Variants in SUSD6 observed in about 807,000 individuals in gnomAD.
The protein encoded by SUSD6 is sushi domain-containing protein 6.
Under a neutral mutation model 28.4 loss-of-function variants are expected in SUSD6, and 16 were observed. That is an observed-to-expected ratio of 0.56 (90% CI 0.38 to 0.86). SUSD6 has a LOEUF of 0.86. SUSD6 is among the 40% of genes least tolerant of loss of function. The pLI is 0.00. For synonymous variants in SUSD6, 147 were observed against 159.6 expected (o/e 0.92, Z 0.59); for missense variants, 341 against 384.2 (o/e 0.89, Z 0.94).
intron 2 of SUSD6, among the ~76,000 whole-genome samples, chr14:69,695,234 T>C (rs1886208571): frequency 6.6e-6 from 1 of 152,176 alleles, no homozygotes; most frequent in Non-Finnish European, 1.5e-5. Context: ...GGCAGAGCCA[T>C]GGACCAGAGC....
At chr14:69,694,711 T>C (rs1173758366) in intron 2 of SUSD6, among the ~76,000 whole-genome samples, 8 of 152,152 alleles carry the variant, frequency 5.3e-5, no homozygotes, top group African/African-American at 1.7e-4. Flanking sequence ...CAGGAGTTTT[T>C]ATGTTTGAGG....
At position 69,708,946 on chromosome 14, in the gene SUSD6, G is replaced by T; in HGVS notation, c.728G>T (p.Gly243Val). 2 of 1,614,188 alleles carry T rather than the reference G, an allele frequency of 1.2e-6. No individual in the cohort carries two copies. ...CAGTCTGGACTATGTGAAGCCTGGG[G>T]CTCTCGGGCCTCAGAGACTGTGATG... Reference protein sequence around the residue: ...PGQSGLCEAWGSRASETVMVH... With the variant: ...PGQSGLCEAWVSRASETVMVH... Residue 243 changes from glycine to valine, a missense_variant, in exon 5 of 6, where the codon GGC becomes GTC. Transcript: ENST00000342745.
chr14:69,711,275 T>TG lies in SUSD6; in HGVS notation c.*299dup, dbSNP rs1332507691. ...CAAACCCTCCCTTTTCCTAAGCCTC[T>TG]GGGTCCCCTCCAGCCAGCTCTTTGG... On this transcript the variant is annotated 3_prime_UTR_variant, in exon 6 of 6. Coordinates refer to ENST00000342745, the MANE Select transcript of SUSD6 (RefSeq NM_014734.4). 4 of 460,534 alleles carry TG rather than the reference T, an allele frequency of 8.7e-6. No individual in the cohort carries two copies. Among genetic ancestry groups the TG allele is most frequent in the Non-Finnish European group, 1.2e-5 (3 of 254,242 alleles). The allele number at this position is 460,534 out of a possible 1,614,324, so 28.5% of individuals were successfully genotyped here.
chr14:69,628,167 A>G (rs550158533), intron 1 of SUSD6, among the ~76,000 whole-genome samples: 1 of 151,930 alleles, frequency 6.6e-6, no homozygotes, highest in Admixed American at 6.5e-5. Flanking sequence ...TCCTGACCTC[A>G]GGTGATCCAC....
At chr14:69,614,980 A>G (rs1283796865) in intron 1 of SUSD6, among the ~76,000 whole-genome samples, 1 of 152,232 alleles carries the variant, frequency 6.6e-6, no homozygotes, top group South Asian at 2.1e-4. Context: ...GAAGCTGACA[A>G]GCAGGATTTA....
intron 1 of SUSD6, among the ~76,000 whole-genome samples, chr14:69,618,560 G>A (rs537158636): frequency 1.1e-4 from 16 of 152,346 alleles, no homozygotes; most frequent in Admixed American, 7.2e-4. Context: ...AGAAACAGGA[G>A]GGATAGGGCA....
intron 2 of SUSD6, among the ~76,000 whole-genome samples, chr14:69,695,713 A>G (rs956320706): frequency 6.6e-6 from 1 of 152,132 alleles, no homozygotes; most frequent in Admixed American, 6.5e-5. Context: ...GCTGGGTGAA[A>G]TTGAGCAAGT....
intron 1 of SUSD6, among the ~76,000 whole-genome samples, chr14:69,623,660 G>T (rs1037735700): frequency 1.3e-5 from 2 of 152,176 alleles, no homozygotes; most frequent in African/African-American, 4.8e-5. Context: ...TAACAGTTCT[G>T]TTCCTGCCTT....
chr14:69,624,456 T>G (rs1049314898), intron 1 of SUSD6, among the ~76,000 whole-genome samples: 9 of 151,514 alleles, frequency 5.9e-5, no homozygotes, highest in African/African-American at 1.9e-4. Flanking sequence ...CTTAGTTGTT[T>G]TTTTTTTTTT....
intron 1 of SUSD6, among the ~76,000 whole-genome samples, chr14:69,620,935 C>G (rs960290645): frequency 1.3e-5 from 2 of 152,186 alleles, no homozygotes; most frequent in African/African-American, 4.8e-5. Flanking sequence ...CTTCCATCTC[C>G]CTCAAGCCTC....
At chr14:69,678,223 A>T (rs1171639542) in intron 2 of SUSD6, among the ~76,000 whole-genome samples, 3 of 151,462 alleles carry the variant, frequency 2.0e-5, no homozygotes, top group Admixed American at 6.6e-5. Flanking sequence ...TTTTCACTCA[A>T]GATTTCTTTT....
intron 1 of SUSD6, among the ~76,000 whole-genome samples, chr14:69,656,950 T>A (rs942733583): frequency 2.0e-5 from 3 of 152,214 alleles, no homozygotes; most frequent in African/African-American, 7.2e-5. Flanking sequence ...AGGCTCAAAC[T>A]GGAGTCTGGG....
In SUSD6 at chr14:69,709,243, T is replaced by C. The variant is rs1051525592; in HGVS notation, c.886+139T>C. ...GTACCTGGGGTATTTGCCTACAAAA[T>C]AGAATTTCACCCTCAGAGTACTGAG... is the stretch of plus-strand genomic sequence containing the variant. On this transcript the variant is annotated intron_variant, in intron 5 of 5. Transcript: ENST00000342745. 73 of 799,882 alleles carry C rather than the reference T, an allele frequency of 9.1e-5. 1 individual carries two copies. The highest frequency in any genetic ancestry group is 1.4e-4 in the Non-Finnish European group (70 of 515,674). The allele number at this position is 799,882 out of a possible 1,614,324, so 49.5% of individuals were successfully genotyped here.
rs891505037 is a variant in SUSD6, at chr14:69,709,256, T to C, written c.886+152T>C. 5 of 729,874 alleles carry C rather than the reference T, an allele frequency of 6.9e-6. No homozygotes were observed. The African/African-American group carries it at 8.9e-5, about 13-fold the overall frequency. The allele number at this position is 729,874 out of a possible 1,614,324, so 45.2% of individuals were successfully genotyped here. On this transcript the variant is annotated intron_variant, in intron 5 of 5. Coordinates refer to ENST00000342745, the MANE Select transcript of SUSD6 (RefSeq NM_014734.4). ...TTGCCTACAAAATAGAATTTCACCC[T>C]CAGAGTACTGAGTAGGGCTTTGGGC... is the stretch of plus-strand genomic sequence containing the variant.
intron 2 of SUSD6, chr14:69,670,365 A>G (rs1219404999): frequency 2.3e-6 from 1 of 437,810 alleles, no homozygotes; most frequent in Non-Finnish European, 4.7e-6. Flanking sequence ...GCTACTGAAA[A>G]TAGAACAATT....
chr14:69,680,902 T>A (rs1885988480), intron 2 of SUSD6, among the ~76,000 whole-genome samples: 2 of 152,328 alleles, frequency 1.3e-5, no homozygotes, highest in South Asian at 4.1e-4. Flanking sequence ...AGCAAAGTTA[T>A]CTTGGTCTTT....
intron 1 of SUSD6, among the ~76,000 whole-genome samples, chr14:69,653,869 C>T (rs1251494361): frequency 6.7e-6 from 1 of 149,956 alleles, no homozygotes; most frequent in African/African-American, 2.5e-5. Flanking sequence ...ATACTGTGGC[C>T]CTTTCTCCAC....
chr14:69,635,815 G>A (rs138422812), intron 1 of SUSD6, among the ~76,000 whole-genome samples: 4,112 of 152,318 alleles, frequency 0.027, 121 homozygotes, highest in South Asian at 0.14. Context: ...TAGGGCCCTG[G>A]GCTGGCATTG....
At chr14:69,631,601 C>T (rs1244243701) in intron 1 of SUSD6, among the ~76,000 whole-genome samples, 1 of 152,164 alleles carries the variant, frequency 6.6e-6, no homozygotes, top group Non-Finnish European at 1.5e-5. Context: ...CATCTGTGCG[C>T]AGTGACTAAG....
Sources: allele counts gnomAD v4.1 joint callset (sites outside exome capture counted in the v4.1 genomes callset), GRCh38; gene constraint gnomAD v4.1.1; transcripts MANE v1.5; gene names NCBI Gene and HGNC (gene_info 2026-07-23, HGNC 2026-07-21).